GRM7: variants seen among roughly 807,000 people sequenced by gnomAD.
GRM7 encodes glutamate metabotropic receptor 7, also known as metabotropic glutamate receptor 7.
A neutral mutation model predicts 84.5 loss-of-function variants in GRM7; 35 were observed. The ratio of observed to expected loss-of-function variants is 0.41; its 90% CI spans 0.32 to 0.55. The LOEUF is 0.55. GRM7 is among the 20% of genes least tolerant of loss of function. The probability of loss-of-function intolerance (pLI) is 0.19; values close to 1 mark genes in which losing one functional copy is unlikely to be tolerated. For synonymous variants in GRM7, 487 were observed against 455.1 expected, an observed-to-expected ratio of 1.07 and a Z score of -0.89; for missense variants, 1,003 against 1,194.6, an observed-to-expected ratio of 0.84 and a Z score of 2.36.
chr3:7,523,359 G>A (rs1700670876), intron 7 of GRM7, among the ~76,000 whole-genome samples: 2 of 152,044 alleles, frequency 1.3e-5, no homozygotes, highest in Admixed American at 1.3e-4. Context: ...CTTGAAACCA[G>A]GCTTCCTGGT....
At position 7,127,917 on chromosome 3, in the gene GRM7, T is replaced by G. The variant is rs1457808790; in HGVS notation, c.520-18535T>G. On this transcript the variant is annotated intron_variant, in intron 1 of 9. Coordinates refer to ENST00000357716, the MANE Select transcript of GRM7 (RefSeq NM_000844.4). ...TAATGACTTGCTTTTGGTAATAGAT[T>G]AAGATCAGAATGAAAAGTAGACCTT... Among the ~76,000 whole-genome samples, 3 of 152,118 alleles carry G rather than the reference T, an allele frequency of 2.0e-5. No homozygotes were observed. The East Asian group carries it at 5.8e-4, about 29-fold the overall frequency.
intron 8 of GRM7, among the ~76,000 whole-genome samples, chr3:7,650,330 G>A (rs558103951): frequency 1.8e-4 from 27 of 152,110 alleles, no homozygotes; most frequent in African/African-American, 2.9e-4. Flanking sequence ...ATCTGAACCC[G>A]GGTGATAGTA....
chr3:7,080,265 G>C (rs1164693303), intron 1 of GRM7, among the ~76,000 whole-genome samples: 2 of 151,948 alleles, frequency 1.3e-5, no homozygotes, highest in African/African-American at 2.4e-5. Flanking sequence ...TTCTAAGACT[G>C]TTACATACTT....
At chr3:7,083,163 A>T (rs1431042017) in intron 1 of GRM7, among the ~76,000 whole-genome samples, 3 of 152,112 alleles carry the variant, frequency 2.0e-5, no homozygotes, top group African/African-American at 7.2e-5. Flanking sequence ...TGAAAGGAAG[A>T]CTTCACTGTT....
chr3:6,939,144 A>G (rs1351892862), intron 1 of GRM7, among the ~76,000 whole-genome samples: 2 of 152,170 alleles, frequency 1.3e-5, no homozygotes, highest in African/African-American at 4.8e-5. Flanking sequence ...ACCTTTTTTT[A>G]GATATGAGAA....
chr3:7,401,391 T>A (rs974363941), intron 4 of GRM7, among the ~76,000 whole-genome samples: 1 of 152,134 alleles, frequency 6.6e-6, no homozygotes, highest in African/African-American at 2.4e-5. Context: ...GGAAACATCA[T>A]GTCCAAGGCA....
intron 4 of GRM7, among the ~76,000 whole-genome samples, chr3:7,387,695 T>G (rs1281877560): frequency 1.3e-5 from 2 of 152,220 alleles, no homozygotes; most frequent in African/African-American, 4.8e-5. Flanking sequence ...TGTAGCCTTG[T>G]AGGATAACTT....
intron 8 of GRM7, among the ~76,000 whole-genome samples, chr3:7,673,030 T>C (rs1306087864): frequency 6.6e-6 from 1 of 152,200 alleles, no homozygotes; most frequent in Non-Finnish European, 1.5e-5. Context: ...AATAACAGTG[T>C]AGAAAATAAA....
At chr3:7,092,916 C>G (rs1698721350) in intron 1 of GRM7, among the ~76,000 whole-genome samples, 1 of 152,104 alleles carries the variant, frequency 6.6e-6, no homozygotes, top group South Asian at 2.1e-4. Context: ...CACCCCATTT[C>G]TACATGTAAT....
intron 8 of GRM7, among the ~76,000 whole-genome samples, chr3:7,664,589 C>T (rs762732659): frequency 2.0e-5 from 3 of 152,180 alleles, no homozygotes; most frequent in Non-Finnish European, 4.4e-5. Flanking sequence ...TATACACGTG[C>T]AATGGTGGTT....
Position 7,712,095 on chromosome 3 carries a change from T to C in GRM7, c.2699-28262T>C, listed in dbSNP as rs532650327. Among the ~76,000 whole-genome samples the C allele has an allele frequency of 2.7e-4, 41 of 152,334 alleles. 1 individual carries two copies. The highest frequency in any genetic ancestry group is 9.9e-4 in the African/African-American group (41 of 41,590). ...GAAACTCAATCTCCTTAGCGGGGCA[T>C]GCCTTCCTGTTCCCCGTGCCAGCGG... On this transcript the variant is annotated intron_variant, in intron 9 of 9. Coordinates refer to ENST00000357716, the MANE Select transcript of GRM7 (RefSeq NM_000844.4).
chr3:7,050,092 G>A (rs79769225), intron 1 of GRM7, among the ~76,000 whole-genome samples: 5,541 of 151,894 alleles, frequency 0.036, 311 homozygotes, highest in African/African-American at 0.12. Flanking sequence ...AGAATGGAAG[G>A]ATACAAGGCT....
intron 9 of GRM7, among the ~76,000 whole-genome samples, chr3:7,697,374 T>C (rs1380718597): frequency 6.6e-6 from 1 of 152,160 alleles, no homozygotes; most frequent in Admixed American, 6.5e-5. Flanking sequence ...TCCTCATTTA[T>C]AGAAAGCCTG....
intron 1 of GRM7, among the ~76,000 whole-genome samples, chr3:7,041,658 A>G (rs1019197941): frequency 6.6e-6 from 1 of 152,248 alleles, no homozygotes; most frequent in Non-Finnish European, 1.5e-5. Context: ...AGAATACTCA[A>G]TTGTGATACT....
At chr3:7,264,817 A>G (rs551653779) in intron 2 of GRM7, among the ~76,000 whole-genome samples, 45 of 151,992 alleles carry the variant, frequency 3.0e-4, no homozygotes, top group Non-Finnish European at 5.4e-4. Context: ...TACAGGCCAC[A>G]AAGACTACAC....
At chr3:7,371,243 C>T (rs940353159) in intron 4 of GRM7, among the ~76,000 whole-genome samples, 1 of 152,160 alleles carries the variant, frequency 6.6e-6, no homozygotes, top group African/African-American at 2.4e-5. Context: ...ATGGAAGCTT[C>T]TGAAAACTGG....
At chr3:7,368,479 A>C (rs999436561) in intron 4 of GRM7, among the ~76,000 whole-genome samples, 1 of 152,126 alleles carries the variant, frequency 6.6e-6, no homozygotes, top group East Asian at 1.9e-4. Context: ...TGGATAATTT[A>C]CTTTATATAA....
intron 2 of GRM7, among the ~76,000 whole-genome samples, chr3:7,186,500 C>T (rs1274527368): frequency 2.0e-5 from 3 of 152,138 alleles, no homozygotes; most frequent in Admixed American, 6.5e-5. Context: ...TGGCTTTAAT[C>T]CTGATTGTTC....
chr3:7,009,492 A>G (rs571402157), intron 1 of GRM7, among the ~76,000 whole-genome samples: 9 of 152,350 alleles, frequency 5.9e-5, no homozygotes, highest in Middle Eastern at 6.8e-3. Context: ...TTATGTATCT[A>G]AAAAATGATA....
Sources: gnomAD v4.1 joint callset for allele counts (sites outside exome capture counted in the v4.1 genomes callset) on GRCh38, gnomAD v4.1.1 for gene constraint, MANE v1.5 for transcripts, NCBI Gene and HGNC (gene_info 2026-07-23, HGNC 2026-07-21) for gene names.